Variants in HTR3B observed in about 807,000 individuals in gnomAD.
The protein encoded by HTR3B is 5-hydroxytryptamine receptor 3B.
Under a neutral mutation model 42.8 loss-of-function variants are expected in HTR3B, and 44 were observed. The observed-to-expected ratio is 1.03, with a 90% CI of 0.81 to 1.32. The LOEUF is 1.32. Ranked by LOEUF, HTR3B falls within the 40% of genes most tolerant of loss-of-function variation. The pLI, the probability that HTR3B is intolerant of heterozygous loss-of-function variation, is 0.00. For missense variants in HTR3B, 527 were observed against 536.5 expected (o/e 0.98, Z 0.17); for synonymous variants, 203 against 209.0 (o/e 0.97, Z 0.25).
At chr11:113,930,957 AG>A (rs757179747) in intron 2 of HTR3B, among the ~76,000 whole-genome samples, 3 of 152,234 alleles carry the variant, frequency 2.0e-5, no homozygotes, top group Non-Finnish European at 2.9e-5. Flanking sequence ...GTAACTTAAC[AG>A]GAATGGCTGC....
At chr11:113,938,177 C>T (rs1410490722) in intron 6 of HTR3B, among the ~76,000 whole-genome samples, 1 of 152,056 alleles carries the variant, frequency 6.6e-6, no homozygotes, top group Non-Finnish European at 1.5e-5. Flanking sequence ...ATATCATTTC[C>T]AAATAAGGTC....
chr11:113,935,449 G>A (rs1950083675), intron 6 of HTR3B, among the ~76,000 whole-genome samples: 1 of 124,486 alleles, frequency 8.0e-6, no homozygotes, highest in Non-Finnish European at 1.9e-5. Flanking sequence ...ATCCTGAGTA[G>A]AGTCACAGAT....
intron 6 of HTR3B, among the ~76,000 whole-genome samples, chr11:113,935,032 G>A (rs1950078066): frequency 6.6e-6 from 1 of 151,050 alleles, no homozygotes; most frequent in Admixed American, 6.6e-5. Flanking sequence ...GCATACACAG[G>A]CACACATGTG....
At chr11:113,932,642 T>A (rs1277320467) in intron 5 of HTR3B, among the ~76,000 whole-genome samples, 184 bp downstream of exon 5, 2 of 75,890 alleles carry the variant, frequency 2.6e-5, no homozygotes, top group East Asian at 7.4e-4. Context: ...GCCCCCATAG[T>A]TGTTTTGGAA....
At chr11:113,933,153 T>C in intron 6 of HTR3B, 60 bp downstream of exon 6, 2 of 1,532,426 alleles carry the variant, frequency 1.3e-6, no homozygotes, top group Non-Finnish European at 8.9e-7. Flanking sequence ...GCCTTCTCTC[T>C]TGGGCCAAGG....
chr11:113,923,549 G>A (rs185631390), intron 2 of HTR3B, among the ~76,000 whole-genome samples: 1 of 152,138 alleles, frequency 6.6e-6, no homozygotes. Flanking sequence ...TATAGTCTCC[G>A]GAACTGGAAA....
Position 113,946,324 on chromosome 11 carries a change from G to T in HTR3B, c.*187G>T. 1 of 517,854 alleles carries T rather than the reference G, an allele frequency of 1.9e-6. No homozygotes were observed. The highest frequency in any genetic ancestry group is 2.8e-5 in the South Asian group (1 of 35,198). 32.1% of individuals were successfully genotyped at this position (517,854 alleles called of 1,614,324 possible). ...GAGACCAGCCAGAGCAACATAGTGA[G>T]ACCACATCTCTACCAGTAAATAAAT... On this transcript the variant is annotated 3_prime_UTR_variant, in exon 9 of 9. Transcript: ENST00000260191.
chr11:113,930,865 G>A (rs759429836), intron 2 of HTR3B, among the ~76,000 whole-genome samples: 10 of 152,066 alleles, frequency 6.6e-5, no homozygotes, highest in East Asian at 1.9e-4. Flanking sequence ...GGGAAATCAC[G>A]TCTATTATAT....
At chr11:113,916,105 G>A (rs1949850483) in intron 2 of HTR3B, among the ~76,000 whole-genome samples, 1 of 152,212 alleles carries the variant, frequency 6.6e-6, no homozygotes, top group Non-Finnish European at 1.5e-5. Flanking sequence ...CCGAAGTAGT[G>A]GGATTATAGG....
intron 1 of HTR3B, among the ~76,000 whole-genome samples, chr11:113,907,137 A>G (rs1326509729): frequency 6.6e-6 from 1 of 152,104 alleles, no homozygotes; most frequent in African/African-American, 2.4e-5. Flanking sequence ...ATCTCTCTTC[A>G]CCTGCAAGTG....
chr11:113,932,550 A>T (rs1950046881), intron 5 of HTR3B, 92 bp downstream of exon 5: 1 of 1,107,218 alleles, frequency 9.0e-7, no homozygotes, highest in African/African-American at 1.6e-5. Context: ...ATTCTTGCAG[A>T]TAATTGGCTA....
upstream of HTR3B, among the ~76,000 whole-genome samples, chr11:113,900,086 T>C (rs1169287310): frequency 6.6e-6 from 1 of 152,048 alleles, no homozygotes; most frequent in Non-Finnish European, 1.5e-5. Flanking sequence ...GGTGAAACCC[T>C]GTATCTACTA....
chr11:113,917,397 T>A (rs1012162197), intron 2 of HTR3B, among the ~76,000 whole-genome samples: 1 of 152,060 alleles, frequency 6.6e-6, no homozygotes, highest in African/African-American at 2.4e-5. Flanking sequence ...CCTCCCAAAG[T>A]GGTGAGATTA....
At chr11:113,916,381 T>G (rs1243648117) in intron 2 of HTR3B, among the ~76,000 whole-genome samples, 1 of 152,230 alleles carries the variant, frequency 6.6e-6, no homozygotes, top group African/African-American at 2.4e-5. Flanking sequence ...GCTTATTTCT[T>G]GACTCTGTTC....
chr11:113,916,846 A>T (rs981036779), intron 2 of HTR3B, among the ~76,000 whole-genome samples: 3 of 152,200 alleles, frequency 2.0e-5, no homozygotes, highest in African/African-American at 7.2e-5. Flanking sequence ...CTAGCATACA[A>T]AAACACAGTT....
Position 113,944,576 on chromosome 11 carries a change from A to C in HTR3B, c.911A>C (p.His304Pro), listed in dbSNP as rs779019457. The C allele has an allele frequency of 6.2e-7, 1 of 1,613,510 alleles. No homozygotes were observed. The highest frequency in any genetic ancestry group is 8.5e-7 in the Non-Finnish European group (1 of 1,179,544). The change falls in exon 8 of 9, where the codon CAC becomes CCC. Residue 304 changes from histidine (H) to proline (P), a missense_variant. By Grantham distance (77) the His-to-Pro change is moderately conservative. Transcript: ENST00000260191. The part of the protein sequence containing the change: ...RSVGSTPLIG[H>P]FFTICMAFLV... ...CACCTCTTCTGGCTTCTCTCAGGGC[A>C]CTTCTTCACCATCTGCATGGCCTTC...
intron 2 of HTR3B, among the ~76,000 whole-genome samples, chr11:113,924,298 T>C (rs545440569): frequency 2.0e-5 from 3 of 152,164 alleles, no homozygotes; most frequent in African/African-American, 7.2e-5. Context: ...ACATAATCTA[T>C]TTCATGATCT....
chr11:113,942,292 G>A (rs866179165), intron 6 of HTR3B, among the ~76,000 whole-genome samples: 6 of 151,876 alleles, frequency 4.0e-5, no homozygotes, highest in Non-Finnish European at 5.9e-5. Context: ...AAGAAACCCC[G>A]TCTCTACTAA....
chr11:113,937,145 T>G (rs1262520551), intron 6 of HTR3B, among the ~76,000 whole-genome samples: 1 of 152,124 alleles, frequency 6.6e-6, no homozygotes, highest in East Asian at 1.9e-4. Context: ...TGATGAGCTG[T>G]AGGTAGGGGC....
Sources: allele counts gnomAD v4.1 joint callset (sites outside exome capture counted in the v4.1 genomes callset), GRCh38; gene constraint gnomAD v4.1.1; transcripts MANE v1.5; gene names NCBI Gene and HGNC (gene_info 2026-07-23, HGNC 2026-07-21).